Variants in CTSZ observed in about 807,000 individuals in gnomAD.
CTSZ encodes cathepsin Z, also known as carboxypeptidase LB.
Under a neutral mutation model 32.4 loss-of-function variants are expected in CTSZ, and 39 were observed. That is an observed-to-expected ratio of 1.20 (90% confidence interval 0.93 to 1.57). The LOEUF is 1.57. Among genes scored for constraint, CTSZ ranks in the 40% most tolerant of loss-of-function variants. CTSZ has a pLI of 0.00. For missense variants in CTSZ, 397 were observed against 419.6 expected, an observed-to-expected ratio of 0.95 and a Z score of 0.47; for synonymous variants, 168 against 170.1, an observed-to-expected ratio of 0.99 and a Z score of 0.10.
chr20:59,000,968 A>G (rs536181077), intron 3 of CTSZ, among the ~76,000 whole-genome samples: 1 of 151,742 alleles, frequency 6.6e-6, no homozygotes, highest in South Asian at 2.1e-4. Context: ...ACCTGGGATT[A>G]CAGGTGTGCA....
chr20:59,006,169 C>T, intron 2 of CTSZ, 153 bp downstream of exon 2: 1 of 1,020,426 alleles, frequency 9.8e-7, no homozygotes, highest in Non-Finnish European at 1.4e-6. Context: ...CAGCAGAGGG[C>T]AAAGGCCCGC....
chr20:58,999,399 C>A (rs945521313), intron 3 of CTSZ, among the ~76,000 whole-genome samples: 2 of 152,106 alleles, frequency 1.3e-5, no homozygotes, highest in African/African-American at 4.8e-5. Flanking sequence ...GTTGGAGGGG[C>A]CTGGCCTCAG....
Position 59,007,185 on chromosome 20 carries a change from G to A in CTSZ, c.-57C>T. 1 of 1,296,204 alleles carries A rather than the reference G, an allele frequency of 7.7e-7. No homozygotes were observed. The allele number at this position is 1,296,204 out of a possible 1,614,324, so 80.3% of individuals were successfully genotyped here. Reference sequence around the variant, plus strand: ...GATCCCGCTCCGAGTCCCAGATCCCGCGCCGGCTCCCGCTCTGGATCCCGC... The same window carrying A: ...GATCCCGCTCCGAGTCCCAGATCCCACGCCGGCTCCCGCTCTGGATCCCGC... On this transcript the variant is annotated 5_prime_UTR_variant, in exon 1 of 6. Transcript: ENST00000217131.
intron 3 of CTSZ, among the ~76,000 whole-genome samples, chr20:59,001,086 C>G (rs2091886785): frequency 6.6e-6 from 1 of 152,178 alleles, no homozygotes; most frequent in African/African-American, 2.4e-5. Flanking sequence ...GTCTCGGCCT[C>G]CCAAAGTGCT....
intron 3 of CTSZ, 22 bp downstream of exon 3, chr20:59,001,443 G>A (rs773813866): frequency 1.9e-6 from 3 of 1,592,532 alleles, no homozygotes; most frequent in East Asian, 2.3e-5. Flanking sequence ...AGGGTGGAGT[G>A]GGGGCACGGG....
At chr20:58,997,822 A>G in intron 3 of CTSZ, 69 bp from the exon 4 acceptor site, 1 of 1,424,620 alleles carries the variant, frequency 7.0e-7, no homozygotes, top group Non-Finnish European at 9.5e-7. Context: ...GAAGCCCGCC[A>G]AGCCCACTCT....
At chr20:58,998,555 A>AAAAAAAG (rs56344176) in intron 3 of CTSZ, among the ~76,000 whole-genome samples, 1 of 117,382 alleles carries the variant, frequency 8.5e-6, no homozygotes, top group Non-Finnish European at 1.9e-5. Flanking sequence ...TCAAAAAAAA[A>AAAAAAAG]GAAAGAAAGA....
chr20:59,001,674 C>T, intron 2 of CTSZ, 30 bp from the exon 3 acceptor site: 1 of 1,599,730 alleles, frequency 6.3e-7, no homozygotes, highest in Non-Finnish European at 8.5e-7. Flanking sequence ...CCAGTCAGCA[C>T]TCACCCACTC....
chr20:59,005,691 C>T (rs1407570471), intron 2 of CTSZ, among the ~76,000 whole-genome samples: 1 of 152,206 alleles, frequency 6.6e-6, no homozygotes, highest in Non-Finnish European at 1.5e-5. Context: ...GAGGGGATAG[C>T]AGAGTCCCTT....
In CTSZ at chr20:58,995,605, G is replaced by A; in HGVS notation, c.*44C>T. On this transcript the variant is annotated 3_prime_UTR_variant, in exon 6 of 6. Transcript: ENST00000217131. ...AACCATAGGATCCCCTCTGGTCATGGGTCACCATGCCTTTTCTTAAACTGC... is the reference window on the plus strand; with the variant it reads ...AACCATAGGATCCCCTCTGGTCATGAGTCACCATGCCTTTTCTTAAACTGC... 1.3e-6 allele frequency: 2 copies of A among 1,563,692 alleles called. No homozygotes were observed. Among genetic ancestry groups the A allele is most frequent in the Non-Finnish European group, 1.8e-6 (2 of 1,134,734 alleles).
chr20:58,995,495 G>T lies in CTSZ; in HGVS notation c.*154C>A. On this transcript the variant is annotated 3_prime_UTR_variant, in exon 6 of 6. Transcript: ENST00000217131. ...TAAGTCATCCCACTTTCAACTCTCA[G>T]GAACACTCGCAGCCAGTGCCACGCT... 1 of 627,218 alleles carries T rather than the reference G, an allele frequency of 1.6e-6. No individual in the cohort carries two copies. 38.9% of individuals were successfully genotyped at this position (627,218 alleles called of 1,614,324 possible).
In CTSZ at chr20:59,002,123, A is replaced by G; in HGVS notation, c.308-479T>C. Among the ~76,000 whole-genome samples the G allele has an allele frequency of 6.6e-6, 1 of 152,210 alleles. No individual in the cohort carries two copies. The highest frequency in any genetic ancestry group is 1.9e-4 in the East Asian group (1 of 5,184). Reference sequence around the variant, plus strand: ...CCAGGGAGCCGCATGAGCCCCAGTGAGGGGCCAGATGCGGTCCTGAGGGCT... The same window carrying G: ...CCAGGGAGCCGCATGAGCCCCAGTGGGGGGCCAGATGCGGTCCTGAGGGCT... On this transcript the variant is annotated intron_variant, in intron 2 of 5. Transcript: ENST00000217131. This position sits in a 1 kb window ranked among gnomAD's most constrained non-coding sequence, Gnocchi z 4.1.
At chr20:58,996,463 T>C (rs2091860763) in intron 5 of CTSZ, 176 bp downstream of exon 5, 1 of 666,226 alleles carries the variant, frequency 1.5e-6, no homozygotes, top group Non-Finnish European at 2.6e-6. Flanking sequence ...CAGCCGCGCA[T>C]GTCAGAGAAG....
At position 59,004,506 on chromosome 20, in the gene CTSZ, T is replaced by TTC; in HGVS notation, c.307+1815_307+1816insGA. 6.7e-6 allele frequency among the ~76,000 whole-genome samples: 1 copy of TTC among 150,350 alleles called. No individual in the cohort carries two copies. Among genetic ancestry groups the TTC allele is most frequent in the East Asian group, 2.0e-4 (1 of 5,106 alleles). On this transcript the variant is annotated intron_variant, in intron 2 of 5. Coordinates refer to ENST00000217131, the MANE Select transcript of CTSZ (RefSeq NM_001336.4). The surrounding 1 kb of genome is among the most constrained non-coding windows in gnomAD (Gnocchi z 5.6). ...ACTGAGGCTGGAGTGGGTTCAAGGG[T>TTC]AGAGAAGAGGAAGTGGAGGGACTCC...
chr20:59,001,171 T>C (rs912348804), intron 3 of CTSZ, among the ~76,000 whole-genome samples: 3 of 152,186 alleles, frequency 2.0e-5, no homozygotes, highest in African/African-American at 7.2e-5. Context: ...GGCTTTTTCG[T>C]TGGGCTTCTC....
rs1323542530 is a variant in CTSZ, at chr20:58,995,662, T to C, written c.899A>G (p.Asp300Gly). 6.2e-7 allele frequency: 1 copy of C among 1,613,978 alleles called. No individual in the cohort carries two copies. The highest frequency in any genetic ancestry group is 1.7e-5 in the Admixed American group (1 of 60,012). The change falls in exon 6 of 6, where the codon GAC becomes GGC. Residue 300 changes from aspartate (D) to glycine (G), a missense_variant. Physicochemically the swap from Asp to Gly is moderately conservative, Grantham distance 94. Coordinates refer to ENST00000217131, the MANE Select transcript of CTSZ (RefSeq NM_001336.4). ...LAIEEHCTFGDPIV is the reference protein window; with the variant it reads ...LAIEEHCTFGGPIV ...AGTGACATGGCCTTAAACGATGGGG[T>C]CCCCAAATGTACAGTGCTCCTCGAT...
chr20:59,006,102 C>A, intron 2 of CTSZ: 1 of 550,242 alleles, frequency 1.8e-6, no homozygotes, highest in Non-Finnish European at 3.2e-6. Flanking sequence ...CACTGGGATT[C>A]AGTCCTAGTC....
Position 59,004,793 on chromosome 20 carries a change from C to T in CTSZ, c.307+1529G>A, listed in dbSNP as rs754698245. 6.6e-5 allele frequency among the ~76,000 whole-genome samples: 10 copies of T among 151,984 alleles called. No individual in the cohort carries two copies. The highest frequency in any genetic ancestry group is 2.6e-4 in the Admixed American group (4 of 15,270). On this transcript the variant is annotated intron_variant, in intron 2 of 5. Transcript: ENST00000217131. The surrounding 1 kb of genome is among the most constrained non-coding windows in gnomAD (Gnocchi z 5.6). ...GGAAGCGAGTGCCTGGGCCTGGGTGCGCTGAGAAGGAGGTTTCAGGAGAAA... is the reference window on the plus strand; with the variant it reads ...GGAAGCGAGTGCCTGGGCCTGGGTGTGCTGAGAAGGAGGTTTCAGGAGAAA...
rs749189435 is a variant in CTSZ, at chr20:58,997,634, T to C, written c.607A>G (p.Met203Val). 8 of 1,603,886 alleles carry C rather than the reference T, an allele frequency of 5.0e-6. No homozygotes were observed. Among genetic ancestry groups the C allele is most frequent in the Non-Finnish European group, 6.8e-6 (8 of 1,175,118 alleles). The change falls in exon 4 of 6, where the codon ATG (methionine) becomes GTG (valine). Residue 203 changes from methionine to valine, a missense_variant. By Grantham distance (21) the Met-to-Val change is conservative. Coordinates refer to ENST00000217131, the MANE Select transcript of CTSZ (RefSeq NM_001336.4). ...GGACCATTTGCATAGATTTCTGCCATCATCTTCTCCCTCCCAGAGAGGGAG... is the reference window on the plus strand; with the variant it reads ...GGACCATTTGCATAGATTTCTGCCACCATCTTCTCCCTCCCAGAGAGGGAG... ...YGSLSGREKM[M>V]AEIYANGPIS...
Sources: gnomAD v4.1 joint callset for allele counts (sites outside exome capture counted in the v4.1 genomes callset) on GRCh38, gnomAD v4.1.1 for gene constraint, Gnocchi (gnomAD v3.1) non-coding constraint, MANE v1.5 for transcripts, NCBI Gene and HGNC (gene_info 2026-07-23, HGNC 2026-07-21) for gene names.